NUP205: variants seen among roughly 807,000 people sequenced by gnomAD.
The protein encoded by NUP205 is nuclear pore complex protein Nup205.
NUP205 carries 76 observed loss-of-function variants against 253.8 expected under a neutral mutation model. That is an observed-to-expected ratio of 0.30 (90% CI 0.25 to 0.36). The LOEUF (loss-of-function observed/expected upper bound fraction) is 0.36, where lower values mean the gene tolerates loss of function less well. NUP205 is among the 10% of genes least tolerant of loss of function. The pLI, the probability that NUP205 is intolerant of heterozygous loss-of-function variation, is 1.00. For synonymous variants in NUP205, 832 were observed against 850.1 expected (o/e 0.98, Z 0.37); for missense variants, 2,162 against 2,425.5 (o/e 0.89, Z 2.28).
At chr7:135,638,743 T>C in intron 38 of NUP205, 60 bp downstream of exon 38, 1 of 1,561,216 alleles carries the variant, frequency 6.4e-7, no homozygotes, top group South Asian at 1.1e-5. Context: ...ATGACATAGC[T>C]CTCCAGCTTG....
intron 5 of NUP205, 55 bp downstream of exon 5, chr7:135,577,183 A>G: frequency 1.3e-6 from 2 of 1,499,668 alleles, no homozygotes; most frequent in Non-Finnish European, 1.8e-6. Context: ...CAGAGGCAGA[A>G]ACATGACAAT....
chr7:135,610,495 C>G (rs1306222228), intron 22 of NUP205, among the ~76,000 whole-genome samples: 1 of 152,192 alleles, frequency 6.6e-6, no homozygotes, highest in Non-Finnish European at 1.5e-5. Context: ...GCTGAGATTA[C>G]AGGCGTGAGC....
At chr7:135,610,072 G>A (rs1004585846) in intron 22 of NUP205, among the ~76,000 whole-genome samples, 1 of 152,112 alleles carries the variant, frequency 6.6e-6, no homozygotes, top group African/African-American at 2.4e-5. Flanking sequence ...GGGCCAGATT[G>A]TCTGAATTTT....
At chr7:135,626,033 A>T (rs1026412235) in intron 32 of NUP205, among the ~76,000 whole-genome samples, 1 of 152,188 alleles carries the variant, frequency 6.6e-6, no homozygotes, top group Non-Finnish European at 1.5e-5. Context: ...CATGCAAGCT[A>T]CTGTCTGTGG....
chr7:135,584,205 G>A (rs1024115691), intron 7 of NUP205, among the ~76,000 whole-genome samples: 2 of 152,146 alleles, frequency 1.3e-5, no homozygotes, highest in South Asian at 4.1e-4. Flanking sequence ...TATGAGTGGA[G>A]AGGGGGAAGA....
chr7:135,617,202 C>A lies in NUP205; in HGVS notation c.3645C>A (p.Asn1215Lys). The A allele has an allele frequency of 6.2e-7, 1 of 1,613,896 alleles. No individual in the cohort carries two copies. Among genetic ancestry groups the A allele is most frequent in the Non-Finnish European group, 8.5e-7 (1 of 1,179,860 alleles). The change falls in exon 26 of 43, where the codon AAC becomes AAA. Residue 1215 changes from asparagine (N) to lysine (K), a missense_variant. Around this residue, in one of 5 missense-constraint regions of NUP205, gnomAD observed 1,144 missense variants for 1,280.9 expected, o/e 0.89. Transcript: ENST00000285968. ...CCCAGATTGAACAAGTTATTGCTAA[C>A]TGTGAACACAAGAATTTACGGGGAC... The part of the protein sequence containing the change: ...DRAQIEQVIA[N>K]CEHKNLRGQT...
At chr7:135,639,913 A>G (rs1794887546) in intron 38 of NUP205, among the ~76,000 whole-genome samples, 1 of 152,228 alleles carries the variant, frequency 6.6e-6, no homozygotes, top group African/African-American at 2.4e-5. Context: ...TTGCAGGGAC[A>G]TGGATGAGGC....
rs574295231 is a variant in NUP205, at chr7:135,629,456, A to G, written c.4933-888A>G. On this transcript the variant is annotated intron_variant, in intron 34 of 42. Transcript: ENST00000285968. The stretch of plus-strand genomic sequence containing the variant: ...GGAGTTTGAGCCCAGCCTGGGCAAC[A>G]TAGTGAGACCCTATCTCTCTCTCTC... 1.1e-3 allele frequency among the ~76,000 whole-genome samples: 149 copies of G among 136,802 alleles called. 1 individual carries two copies. Among genetic ancestry groups the G allele is most frequent in the African/African-American group, 3.6e-3 (141 of 39,200 alleles). The allele number at this position is 136,802 out of a possible 152,430, so 89.7% of individuals were successfully genotyped here.
chr7:135,609,535 C>T (rs1484309241), intron 22 of NUP205, among the ~76,000 whole-genome samples: 1 of 151,390 alleles, frequency 6.6e-6, no homozygotes, highest in Non-Finnish European at 1.5e-5. Context: ...GTAGTCCCAG[C>T]TACTTGGGAA....
chr7:135,607,481 A>G (rs1053911728), intron 22 of NUP205, 110 bp downstream of exon 22: 5 of 1,186,682 alleles, frequency 4.2e-6, no homozygotes, highest in Admixed American at 2.9e-5. Context: ...AAATGAGTTC[A>G]TTTAGCAATT....
intron 1 of NUP205, among the ~76,000 whole-genome samples, chr7:135,565,809 T>G (rs1805741842): frequency 6.6e-6 from 1 of 152,220 alleles, no homozygotes; most frequent in Non-Finnish European, 1.5e-5. Context: ...TTTCATTTTG[T>G]CATCTGCTAC....
chr7:135,606,256 ATTC>A (rs756088339), intron 20 of NUP205, 30 bp downstream of exon 20: 1 of 1,331,746 alleles, frequency 7.5e-7, no homozygotes, highest in Non-Finnish European at 1.1e-6. Flanking sequence ...GCATACACGC[ATTC>A]TTTTACTTTT....
At chr7:135,563,801 A>G (rs1480275936) in intron 1 of NUP205, among the ~76,000 whole-genome samples, 7 of 152,052 alleles carry the variant, frequency 4.6e-5, no homozygotes, top group Non-Finnish European at 1.0e-4. Flanking sequence ...CCTGGGCAAC[A>G]TAGCAACATC....
chr7:135,631,242 A>G (rs1264372872), intron 35 of NUP205, among the ~76,000 whole-genome samples: 1 of 152,194 alleles, frequency 6.6e-6, no homozygotes, highest in Non-Finnish European at 1.5e-5. Flanking sequence ...CATGTGCACA[A>G]CATTCAGGTT....
chr7:135,564,581 A>G lies in NUP205; in HGVS notation c.29-6524A>G, dbSNP rs566694396. Among the ~76,000 whole-genome samples the G allele has an allele frequency of 8.6e-5, 13 of 150,804 alleles. 1 individual carries two copies. Among genetic ancestry groups the G allele is most frequent in the South Asian group, 8.4e-4 (4 of 4,770 alleles). ...TTTTAAATAGAGACAGGGTTTTGCC[A>G]TGTGACCCAGGCTGGTCTTGAACTC... On this transcript the variant is annotated intron_variant, in intron 1 of 42. Transcript: ENST00000285968.
chr7:135,582,912 G>C (rs1358000465), intron 7 of NUP205, among the ~76,000 whole-genome samples: 2 of 151,840 alleles, frequency 1.3e-5, no homozygotes, highest in Non-Finnish European at 2.9e-5. Flanking sequence ...AACATGGTGA[G>C]ACCCCATCTC....
chr7:135,633,999 A>G (rs1435194870), intron 35 of NUP205, among the ~76,000 whole-genome samples: 3 of 152,168 alleles, frequency 2.0e-5, no homozygotes, highest in Admixed American at 2.0e-4. Context: ...GTAACTTTGT[A>G]TCCCCCATGC....
chr7:135,597,975 T>G lies in NUP205; in HGVS notation c.2065-23T>G, dbSNP rs1366330077. Reference sequence around the variant, plus strand: ...ATAGCTAATAGTTTTTATTACCAAGTTTTCTTTCTTTTTCTTTGGAAGGTT... The same window carrying G: ...ATAGCTAATAGTTTTTATTACCAAGGTTTCTTTCTTTTTCTTTGGAAGGTT... On this transcript the variant is annotated intron_variant, in intron 14 of 42. Transcript: ENST00000285968. 3 of 1,597,330 alleles carry G rather than the reference T, an allele frequency of 1.9e-6. No individual in the cohort carries two copies. The Admixed American group carries it at 5.0e-5, about 27-fold the overall frequency.
chr7:135,639,690 C>CA (rs34071969), intron 38 of NUP205, among the ~76,000 whole-genome samples: 4,244 of 106,534 alleles, frequency 0.04, 71 homozygotes, highest in South Asian at 0.059. Flanking sequence ...GACTTTGTCT[C>CA]AAAAAAAAAA....
Sources: gnomAD v4.1 joint callset for allele counts (sites outside exome capture counted in the v4.1 genomes callset) on GRCh38, gnomAD v4.1.1 for gene constraint, gnomAD v4.1.1 regional missense constraint, MANE v1.5 for transcripts, NCBI Gene and HGNC (gene_info 2026-07-23, HGNC 2026-07-21) for gene names.